NOVA2: variants seen among roughly 807,000 people sequenced by gnomAD.
NOVA2 encodes RNA-binding protein Nova-2.
Under a neutral mutation model 22.5 loss-of-function variants are expected in NOVA2, and 9 were observed. That is an observed-to-expected ratio of 0.40 (90% CI 0.24 to 0.70). The LOEUF is 0.70. Ranked by LOEUF, NOVA2 falls within the 30% of genes least tolerant of loss-of-function variation. The probability of loss-of-function intolerance (pLI) is 0.38; values close to 1 mark genes in which losing one functional copy is unlikely to be tolerated. For missense variants in NOVA2, 383 were observed against 682.8 expected (o/e 0.56, Z 4.89); for synonymous variants, 318 against 335.2 (o/e 0.95, Z 0.56).
chr19:45,970,156 G>T (rs377000342), intron 1 of NOVA2, among the ~76,000 whole-genome samples: 2 of 152,116 alleles, frequency 1.3e-5, no homozygotes, highest in African/African-American at 4.8e-5. Flanking sequence ...TCTGTAACAT[G>T]GGTTAACATG....
intron 1 of NOVA2, among the ~76,000 whole-genome samples, chr19:45,966,280 T>C (rs916116169): frequency 6.6e-6 from 1 of 152,172 alleles, no homozygotes; most frequent in Non-Finnish European, 1.5e-5. Flanking sequence ...TCTCTTTTTC[T>C]CTCCTTCTTC....
In NOVA2 at chr19:45,944,401, C is replaced by G. The variant is rs184484850; in HGVS notation, c.397-3456G>C. Among the ~76,000 whole-genome samples, 3 of 152,182 alleles carry G rather than the reference C, an allele frequency of 2.0e-5. No individual in the cohort carries two copies. The East Asian group carries it at 5.8e-4, about 29-fold the overall frequency. On this transcript the variant is annotated intron_variant, in intron 3 of 3. Transcript: ENST00000263257. ...AGGCTGCAGTGAGCTGTGATTGTGC[C>G]ACTGTACTCCAGCCTGGGCAACAGA...
At chr19:45,958,828 T>G (rs921234673) in intron 2 of NOVA2, among the ~76,000 whole-genome samples, 2 of 152,184 alleles carry the variant, frequency 1.3e-5, no homozygotes, top group African/African-American at 4.8e-5. Flanking sequence ...TCCCTGCACT[T>G]TACCTCGCTC....
At position 45,949,124 on chromosome 19, in the gene NOVA2, G is replaced by A. The variant is rs139888068; in HGVS notation, c.396+4656C>T. Among the ~76,000 whole-genome samples, 159 of 152,136 alleles carry A rather than the reference G, an allele frequency of 1.0e-3. 1 individual carries two copies. The highest frequency in any genetic ancestry group is 3.6e-3 in the African/African-American group (151 of 41,504). Reference sequence around the variant, plus strand: ...AAAAGTAGATTAGTGGCTGGAAGACGTTGAGACTGGGATCTGGGGGAATGG... The same window carrying A: ...AAAAGTAGATTAGTGGCTGGAAGACATTGAGACTGGGATCTGGGGGAATGG... On this transcript the variant is annotated intron_variant, in intron 3 of 3. Coordinates refer to ENST00000263257, the MANE Select transcript of NOVA2 (RefSeq NM_002516.4).
intron 2 of NOVA2, among the ~76,000 whole-genome samples, chr19:45,958,222 A>G (rs1968034378): frequency 6.6e-6 from 1 of 151,824 alleles, no homozygotes; most frequent in Non-Finnish European, 1.5e-5. Flanking sequence ...CAGTTGCTCC[A>G]TGTATGACCT....
intron 3 of NOVA2, among the ~76,000 whole-genome samples, chr19:45,942,985 G>A (rs1967782106): frequency 6.6e-6 from 1 of 151,932 alleles, no homozygotes; most frequent in African/African-American, 2.4e-5. Context: ...AGGACCATAG[G>A]TGTCTGTACC....
In NOVA2 at chr19:45,939,751, T is replaced by G; in HGVS notation, c.*112A>C. On this transcript the variant is annotated 3_prime_UTR_variant, in exon 4 of 4. Coordinates refer to ENST00000263257, the MANE Select transcript of NOVA2 (RefSeq NM_002516.4). ...TGCAGTCGGGCCTACCCCAGCCCCA[T>G]CCCAAGAGGAGCAGGACTACACCAA... 1 of 1,393,798 alleles carries G rather than the reference T, an allele frequency of 7.2e-7. No homozygotes were observed. The highest frequency in any genetic ancestry group is 9.8e-7 in the Non-Finnish European group (1 of 1,017,062). The allele number at this position is 1,393,798 out of a possible 1,614,324, so 86.3% of individuals were successfully genotyped here. A position where few individuals can be genotyped will look rare whatever the true frequency, so the allele number is the denominator to read the frequency against.
rs1967700708 is a variant in NOVA2, at chr19:45,939,095, C to T, written c.*768G>A. 6.6e-6 allele frequency: 1 copy of T among 152,350 alleles called. No individual in the cohort carries two copies. Among genetic ancestry groups the T allele is most frequent in the Non-Finnish European group, 1.5e-5 (1 of 68,128 alleles). The allele number at this position is 152,350 out of a possible 1,614,324, so 9.4% of individuals were successfully genotyped here. A position where few individuals can be genotyped will look rare whatever the true frequency, so the allele number is the denominator to read the frequency against. On this transcript the variant is annotated 3_prime_UTR_variant, in exon 4 of 4. Transcript: ENST00000263257. Reference sequence around the variant, plus strand: ...TTACTCTAAGCCATCAGAGATACCACACCAAGTTGATCCAGCCTCTTGCAA... The same window carrying T: ...TTACTCTAAGCCATCAGAGATACCATACCAAGTTGATCCAGCCTCTTGCAA...
At chr19:45,943,806 A>G (rs1007985627) in intron 3 of NOVA2, among the ~76,000 whole-genome samples, 1 of 152,108 alleles carries the variant, frequency 6.6e-6, no homozygotes, top group African/African-American at 2.4e-5. Flanking sequence ...TAAAAATAAC[A>G]AAATAAAAAA....
At chr19:45,952,952 C>T (rs1394421989) in intron 3 of NOVA2, among the ~76,000 whole-genome samples, 1 of 152,236 alleles carries the variant, frequency 6.6e-6, no homozygotes. Context: ...TCTAGGTAGA[C>T]GTTAACGAGC....
At chr19:45,968,811 T>A (rs1013651903) in intron 1 of NOVA2, among the ~76,000 whole-genome samples, 1 of 151,994 alleles carries the variant, frequency 6.6e-6, no homozygotes, top group African/African-American at 2.4e-5. Context: ...AAGATATGAA[T>A]CCTGAAAGAG....
intron 1 of NOVA2, 66 bp downstream of exon 1, chr19:45,973,201 G>T: frequency 1.2e-6 from 1 of 838,808 alleles, no homozygotes; most frequent in Non-Finnish European, 1.7e-6. Flanking sequence ...CGGGAGGGGG[G>T]GAAAGGATGG....
rs979787145 is a variant in NOVA2, at chr19:45,946,804, G to A, written c.397-5859C>T. The stretch of plus-strand genomic sequence containing the variant: ...GGAGAATTGCTTGAACCTGGGAGGC[G>A]GAGGTTGCAGCGAGCCGAGATCATC... On this transcript the variant is annotated intron_variant, in intron 3 of 3. Coordinates refer to ENST00000263257, the MANE Select transcript of NOVA2 (RefSeq NM_002516.4). Among the ~76,000 whole-genome samples the A allele has an allele frequency of 1.4e-4, 21 of 151,708 alleles. 1 individual carries two copies. The highest frequency in any genetic ancestry group is 5.1e-4 in the African/African-American group (21 of 41,248).
At chr19:45,961,204 C>A in intron 1 of NOVA2, 51 bp from the exon 2 acceptor site, 2 of 1,420,806 alleles carry the variant, frequency 1.4e-6, no homozygotes, top group Non-Finnish European at 1.9e-6. Context: ...GGGTCTTCAC[C>A]TTTGGAGGGG....
intron 1 of NOVA2, among the ~76,000 whole-genome samples, chr19:45,969,735 C>T (rs949242312): frequency 3.9e-5 from 6 of 152,026 alleles, no homozygotes; most frequent in African/African-American, 1.4e-4. Context: ...ATTGTCCTGC[C>T]AGACTGGGGT....
At chr19:45,960,480 GCAGA>G (rs1289498693) in intron 2 of NOVA2, among the ~76,000 whole-genome samples, 2 of 151,906 alleles carry the variant, frequency 1.3e-5, no homozygotes, top group African/African-American at 4.8e-5. Context: ...GGACAGAGAG[GCAGA>G]CAGAGGGGCA....
chr19:45,962,973 T>C (rs1968117736), intron 1 of NOVA2, among the ~76,000 whole-genome samples: 1 of 151,586 alleles, frequency 6.6e-6, no homozygotes, highest in Non-Finnish European at 1.5e-5. Context: ...TTTTTGACCA[T>C]GTGAAAAGCA....
At chr19:45,953,084 G>T (rs1490167162) in intron 3 of NOVA2, among the ~76,000 whole-genome samples, 1 of 152,216 alleles carries the variant, frequency 6.6e-6, no homozygotes, top group African/African-American at 2.4e-5. Context: ...GTTCCCTTAC[G>T]CACTTCCGGG....
At chr19:45,968,896 C>T (rs10406274) in intron 1 of NOVA2, among the ~76,000 whole-genome samples, 4,343 of 152,148 alleles carry the variant, frequency 0.029, 212 homozygotes, top group African/African-American at 0.1. Flanking sequence ...TGCTGGCTCA[C>T]GCCTGTAATC....
Sources: gnomAD v4.1 joint callset for allele counts (sites outside exome capture counted in the v4.1 genomes callset) on GRCh38, gnomAD v4.1.1 for gene constraint, MANE v1.5 for transcripts, NCBI Gene and HGNC (gene_info 2026-07-23, HGNC 2026-07-21) for gene names.